The following MTUS2 variants were observed in gnomAD, a reference collection of about 807,000 sequenced individuals.
MTUS2 encodes microtubule-associated tumor suppressor candidate 2.
A neutral mutation model predicts 114.1 loss-of-function variants in MTUS2; 40 were observed. The ratio of observed to expected loss-of-function variants is 0.35; its 90% CI spans 0.27 to 0.46. The LOEUF (loss-of-function observed/expected upper bound fraction) is 0.46, where lower values mean the gene tolerates loss of function less well. Ranked by LOEUF, MTUS2 falls within the 20% of genes least tolerant of loss-of-function variation. MTUS2 has a pLI of 1.00. For missense variants in MTUS2, 1,679 were observed against 1,705.4 expected, an observed-to-expected ratio of 0.98 and a Z score of 0.27; for synonymous variants, 688 against 672.0, an observed-to-expected ratio of 1.02 and a Z score of -0.37.
intron 8 of MTUS2, among the ~76,000 whole-genome samples, chr13:29,409,660 T>C (rs1159659873): frequency 6.6e-6 from 1 of 152,202 alleles, no homozygotes; most frequent in African/African-American, 2.4e-5. Context: ...CAGATTCATG[T>C]TTATTTCCTT....
At chr13:29,334,651 A>T (rs1421611383) in intron 7 of MTUS2, among the ~76,000 whole-genome samples, 1 of 152,010 alleles carries the variant, frequency 6.6e-6, no homozygotes, top group Non-Finnish European at 1.5e-5. Flanking sequence ...CTTCATTTCA[A>T]CCTTGATGAA....
intron 2 of MTUS2, among the ~76,000 whole-genome samples, chr13:28,957,894 G>A (rs920554455): frequency 6.6e-6 from 1 of 152,210 alleles, no homozygotes; most frequent in African/African-American, 2.4e-5. Flanking sequence ...TGGAATTCAG[G>A]AATGTAGCAT....
chr13:29,268,775 G>T (rs1897764393), intron 5 of MTUS2, among the ~76,000 whole-genome samples: 1 of 152,012 alleles, frequency 6.6e-6, no homozygotes, highest in Non-Finnish European at 1.5e-5. Flanking sequence ...AGGATCCCAG[G>T]CAACAGTCCA....
intron 2 of MTUS2, among the ~76,000 whole-genome samples, chr13:28,937,538 C>A (rs1041140051): frequency 6.6e-6 from 1 of 152,096 alleles, no homozygotes; most frequent in Non-Finnish European, 1.5e-5. Context: ...GAGCTATAAG[C>A]GAAGGTCCCT....
intron 5 of MTUS2, among the ~76,000 whole-genome samples, chr13:29,223,248 T>C (rs1245297396): frequency 6.6e-6 from 1 of 152,126 alleles, no homozygotes; most frequent in African/African-American, 2.4e-5. Flanking sequence ...CAAATCAGCA[T>C]GGAATTTCTC....
At chr13:29,153,714 T>C (rs1233812157) in intron 5 of MTUS2, among the ~76,000 whole-genome samples, 1 of 152,210 alleles carries the variant, frequency 6.6e-6, no homozygotes, top group Non-Finnish European at 1.5e-5. Context: ...TCCTCAATTC[T>C]CTTCCTCCTG....
intron 4 of MTUS2, among the ~76,000 whole-genome samples, chr13:29,092,207 C>T (rs1889985637): frequency 6.6e-6 from 1 of 152,230 alleles, no homozygotes; most frequent in Non-Finnish European, 1.5e-5. Flanking sequence ...GAGAACCTCT[C>T]TTTCTGTTTG....
chr13:29,103,201 G>A (rs1890497328), intron 5 of MTUS2, among the ~76,000 whole-genome samples: 1 of 152,180 alleles, frequency 6.6e-6, no homozygotes, highest in Non-Finnish European at 1.5e-5. Context: ...AGAATCTATA[G>A]TCACACATTG....
intron 5 of MTUS2, among the ~76,000 whole-genome samples, chr13:29,142,029 T>G (rs1892243972): frequency 6.6e-6 from 1 of 151,866 alleles, no homozygotes. Context: ...CCAGCTAATT[T>G]TTTTGTATTT....
chr13:29,165,772 G>C (rs2139096751), intron 5 of MTUS2, among the ~76,000 whole-genome samples: 1 of 152,270 alleles, frequency 6.6e-6, no homozygotes, highest in East Asian at 1.9e-4. Flanking sequence ...GAAATGTTAG[G>C]GATGCAGCTC....
rs538171596 is a variant in MTUS2 at position 28,968,614 on chromosome 13, C to T, written c.-242-55843C>T. Among the ~76,000 whole-genome samples the T allele has an allele frequency of 1.8e-4, 27 of 152,180 alleles. No individual in the cohort carries two copies. The South Asian group carries it at 5.4e-3, about 30-fold the overall frequency. ...TCTTGTTCAATTTTAGTGTTTTGCT[C>T]AGTAATTCAATCTTCATTAAATAAA... On this transcript the variant is annotated intron_variant, in intron 2 of 15. Coordinates refer to ENST00000612955, the MANE Select transcript of MTUS2 (RefSeq NM_001033602.4).
chr13:29,336,998 A>G (rs1901096511), intron 7 of MTUS2, among the ~76,000 whole-genome samples: 2 of 152,080 alleles, frequency 1.3e-5, no homozygotes, highest in South Asian at 4.1e-4. Context: ...TTCCCCCACC[A>G]AGCTCAAGGG....
At chr13:29,240,924 AAAG>A (rs960679048) in intron 5 of MTUS2, among the ~76,000 whole-genome samples, 20 of 152,314 alleles carry the variant, frequency 1.3e-4, no homozygotes, top group African/African-American at 3.6e-4. Context: ...ACCTTATAAA[AAAG>A]AAAAATTATA....
At chr13:29,071,409 A>ATTTTGTTTTTTTTTT (rs1888922268) in intron 4 of MTUS2, among the ~76,000 whole-genome samples, 1 of 46,082 alleles carries the variant, frequency 2.2e-5, no homozygotes. Context: ...TGTTGCTTGA[A>ATTTTGTTTTTTTTTT]TTTTTTTTTT....
At position 29,351,003 on chromosome 13, in the gene MTUS2, T is replaced by C. The variant is rs377208810; in HGVS notation, c.2906-8259T>C. ...TATATATCTTCAGAGGACACAAACA[T>C]TCAGTTCCTAGCAGCAGGGTATGTA... On this transcript the variant is annotated intron_variant, in intron 7 of 15. Transcript: ENST00000612955. Among the ~76,000 whole-genome samples the C allele has an allele frequency of 8.7e-4, 108 of 124,384 alleles. 2 individuals carry two copies. The South Asian group carries it at 0.015, about 17-fold the overall frequency. The allele number at this position is 124,384 out of a possible 152,430, so 81.6% of individuals were successfully genotyped here.
At chr13:29,382,376 G>A (rs1280373290) in intron 8 of MTUS2, among the ~76,000 whole-genome samples, 1 of 152,166 alleles carries the variant, frequency 6.6e-6, no homozygotes, top group Admixed American at 6.5e-5. Flanking sequence ...GGGTGATGGG[G>A]GCCTGGACCA....
intron 8 of MTUS2, among the ~76,000 whole-genome samples, chr13:29,427,178 T>C (rs747423617): frequency 1.3e-5 from 2 of 152,106 alleles, no homozygotes; most frequent in Non-Finnish European, 2.9e-5. Context: ...CACGAGAGGG[T>C]AAAAAGTGGA....
At chr13:29,229,001 C>T (rs562285500) in intron 5 of MTUS2, among the ~76,000 whole-genome samples, 6 of 152,092 alleles carry the variant, frequency 3.9e-5, no homozygotes, top group Non-Finnish European at 5.9e-5. Flanking sequence ...GCACTGCCTC[C>T]GGCTGCTAGC....
intron 2 of MTUS2, among the ~76,000 whole-genome samples, chr13:28,994,492 G>C (rs1377899779): frequency 2.0e-5 from 3 of 152,162 alleles, no homozygotes; most frequent in Non-Finnish European, 4.4e-5. Context: ...CTTCCACATG[G>C]TTGAACTAGT....
Sources: gnomAD v4.1 joint callset for allele counts (sites outside exome capture counted in the v4.1 genomes callset) on GRCh38, gnomAD v4.1.1 for gene constraint, MANE v1.5 for transcripts, NCBI Gene and HGNC (gene_info 2026-07-23, HGNC 2026-07-21) for gene names.